BCAR1: variants seen among roughly 807,000 people sequenced by gnomAD.
BCAR1 encodes breast cancer anti-estrogen resistance protein 1.
In BCAR1, 30 loss-of-function variants were observed where a neutral mutation model predicts 67.6. The observed-to-expected ratio is 0.44, with a 90% CI of 0.33 to 0.60. The LOEUF (loss-of-function observed/expected upper bound fraction) is 0.60. Ranked by LOEUF, BCAR1 falls within the 20% of genes least tolerant of loss-of-function variation. The pLI, the probability that BCAR1 is intolerant of heterozygous loss-of-function variation, is 0.02. For missense variants in BCAR1, 1,313 were observed against 1,222.3 expected (o/e 1.07, Z -1.11); for synonymous variants, 626 against 556.7 (o/e 1.12, Z -1.75).
upstream of BCAR1, chr16:75,252,002 T>C (rs2077692763): frequency 1.6e-6 from 1 of 630,394 alleles, no homozygotes; most frequent in African/African-American, 1.8e-5. Flanking sequence ...AGTCGACTTG[T>C]CTTTCCCGCT....
At chr16:75,238,657 G>A (rs373365541) in intron 2 of BCAR1, 11 of 985,882 alleles carry the variant, frequency 1.1e-5, no homozygotes, top group African/African-American at 3.5e-5. Flanking sequence ...GCAGAGTCCC[G>A]GCTGGGGGCC....
intron 2 of BCAR1, among the ~76,000 whole-genome samples, chr16:75,241,413 G>C (rs980250391): frequency 6.6e-6 from 1 of 152,114 alleles, no homozygotes; most frequent in Non-Finnish European, 1.5e-5. Flanking sequence ...TACCTGGACT[G>C]TGGCCTGAGG....
chr16:75,264,022 T>C, intron 1 of BCAR1: 1 of 1,214,106 alleles, frequency 8.2e-7, no homozygotes, highest in Non-Finnish European at 1.0e-6. Flanking sequence ...AGAATTCTCC[T>C]GGGCTGTGAC....
Position 75,235,482 on chromosome 16 carries a change from T to TGGC in BCAR1, c.1414_1416dup (p.Ala472dup), listed in dbSNP as rs2077080399. The TGGC allele has an allele frequency of 6.2e-7, 1 of 1,603,482 alleles. No individual in the cohort carries two copies. Among genetic ancestry groups the TGGC allele is most frequent in the African/African-American group, 1.3e-5 (1 of 74,792 alleles). On this transcript the variant is annotated inframe_insertion, in exon 5 of 7. Coordinates refer to ENST00000162330, the MANE Select transcript of BCAR1 (RefSeq NM_014567.5). ...GCCAGGTCCAGAAGGTGGGCAACGGTGGCGCTCACACCCTGCTGCAGCCGT... is the reference window on the plus strand; with the variant it reads ...GCCAGGTCCAGAAGGTGGGCAACGGTGGCGGCGCTCACACCCTGCTGCAGCCGT...
intron 1 of BCAR1, chr16:75,265,765 G>A (rs970294668): frequency 1.5e-5 from 18 of 1,195,806 alleles, no homozygotes; most frequent in Non-Finnish European, 1.8e-5. Flanking sequence ...AGCGGGCGGG[G>A]CGAGGTCGCA....
upstream of BCAR1, chr16:75,256,140 A>T (rs2077768698): frequency 6.6e-6 from 1 of 152,416 alleles, no homozygotes; most frequent in Non-Finnish European, 1.5e-5. Context: ...AACGACGGCT[A>T]CCTGGAGGCA....
intron 1 of BCAR1, chr16:75,267,893 C>A: frequency 1.3e-6 from 2 of 1,590,178 alleles, no homozygotes; most frequent in East Asian, 2.3e-5. Flanking sequence ...GAGAGGGGAC[C>A]CTGGCTAGAG....
rs375094501 is a variant in BCAR1 at position 75,237,153 on chromosome 16, C to T, written c.795+30G>A. The stretch of plus-strand genomic sequence containing the variant: ...GCAGAGGCACAGACTTGCCGCCCTG[C>T]CCTCCCACCGCTGCGCACCCCACAC... On this transcript the variant is annotated intron_variant, in intron 3 of 6. Coordinates refer to ENST00000162330, the MANE Select transcript of BCAR1 (RefSeq NM_014567.5). 35 of 1,493,034 alleles carry T rather than the reference C, an allele frequency of 2.3e-5. No homozygotes were observed. The East Asian group carries it at 2.5e-4, about 11-fold the overall frequency. 92.5% of individuals were successfully genotyped at this position (1,493,034 alleles called of 1,614,324 possible).
intron 1 of BCAR1, among the ~76,000 whole-genome samples, chr16:75,256,732 C>G (rs2077785783): frequency 6.6e-6 from 1 of 151,964 alleles, no homozygotes; most frequent in Non-Finnish European, 1.5e-5. Context: ...TGTGAGCCAG[C>G]AAGGCAGCCC....
intron 1 of BCAR1, chr16:75,250,647 T>TC: frequency 2.0e-6 from 2 of 985,400 alleles, no homozygotes; most frequent in Non-Finnish European, 2.4e-6. Context: ...TAGGCAAATC[T>TC]CCGCTTTCCC....
In BCAR1 at chr16:75,235,284, C is replaced by T. The variant is rs1160062536; in HGVS notation, c.1615G>A (p.Ala539Thr). ...AAHTSDRALH[A>T]KLSRQLQKME... The stretch of plus-strand genomic sequence containing the variant: ...TTCTGCAGCTGCCGGCTAAGCTTGG[C>T]ATGCAGGGCACGGTCAGATGTGTGG... Residue 539 changes from alanine (A) to threonine (T), a missense_variant, in exon 5 of 7, where the codon GCC becomes ACC. Around this residue, in one of 2 missense-constraint regions of BCAR1, gnomAD observed 1,272 missense variants for 1,137.5 expected, o/e 1.12. Transcript: ENST00000162330. The T allele has an allele frequency of 2.5e-6, 4 of 1,606,068 alleles. No homozygotes were observed. In the African/African-American group the frequency reaches 5.3e-5, roughly 21 times the overall value.
intron 1 of BCAR1, chr16:75,248,353 C>A: frequency 7.7e-7 from 1 of 1,293,968 alleles, no homozygotes; most frequent in Non-Finnish European, 9.9e-7. Context: ...AGAACCATCA[C>A]AAACTTGGGC....
intron 4 of BCAR1, chr16:75,236,205 CA>C (rs1333635527): frequency 2.0e-5 from 12 of 609,030 alleles, no homozygotes; most frequent in Non-Finnish European, 3.3e-5. Context: ...ACATCCTTCA[CA>C]ATTCCTATCC....
chr16:75,266,732 A>T, intron 1 of BCAR1: 1 of 1,440,278 alleles, frequency 6.9e-7, no homozygotes, highest in South Asian at 1.4e-5. Context: ...AGGAAGGACC[A>T]GGGGTCCGAC....
At chr16:75,234,175 A>G (rs2077012791) in intron 5 of BCAR1, among the ~76,000 whole-genome samples, 1 of 149,596 alleles carries the variant, frequency 6.7e-6, no homozygotes. Flanking sequence ...ACACACACAC[A>G]CACACACACA....
intron 1 of BCAR1, 55 bp downstream of exon 1, chr16:75,251,416 A>T: frequency 6.8e-7 from 1 of 1,475,794 alleles, no homozygotes; most frequent in Non-Finnish European, 9.0e-7. Flanking sequence ...AACCCCTTCC[A>T]GCCCGCTGCC....
chr16:75,267,523 G>T (rs1344915256), intron 1 of BCAR1, among the ~76,000 whole-genome samples: 2 of 151,982 alleles, frequency 1.3e-5, no homozygotes, highest in Non-Finnish European at 2.9e-5. Flanking sequence ...CCTGAGCTGG[G>T]AGCAGCAGCT....
chr16:75,237,573 C>A (rs752179243), intron 2 of BCAR1: 2 of 516,726 alleles, frequency 3.9e-6, no homozygotes, highest in Non-Finnish European at 6.4e-6. Context: ...AGAGCTGCCT[C>A]GTCCTGGGCC....
At chr16:75,237,731 G>C (rs537164215) in intron 2 of BCAR1, among the ~76,000 whole-genome samples, 1 of 152,174 alleles carries the variant, frequency 6.6e-6, no homozygotes, top group African/African-American at 2.4e-5. Flanking sequence ...TTACTGGGGC[G>C]CCTAGCCCCA....
Sources: gnomAD v4.1 joint callset for allele counts (sites outside exome capture counted in the v4.1 genomes callset) on GRCh38, gnomAD v4.1.1 for gene constraint, gnomAD v4.1.1 regional missense constraint, MANE v1.5 for transcripts, NCBI Gene and HGNC (gene_info 2026-07-23, HGNC 2026-07-21) for gene names.